Variants in ILDR1 observed in about 807,000 individuals in gnomAD.
The protein encoded by ILDR1 is immunoglobulin-like domain-containing receptor 1.
In ILDR1, 56 loss-of-function variants were observed where a neutral mutation model predicts 62.4. That is an observed-to-expected ratio of 0.90 (90% CI 0.72 to 1.12). ILDR1 has a LOEUF of 1.12. Among genes scored for constraint, ILDR1 ranks in the 50% most tolerant of loss-of-function variants. The pLI, the probability that ILDR1 is intolerant of heterozygous loss-of-function variation, is 0.00. For missense variants in ILDR1, 736 were observed against 710.6 expected (o/e 1.04, Z -0.41); for synonymous variants, 284 against 277.8 (o/e 1.02, Z -0.22).
chr3:122,007,258 T>C (rs1250601757), intron 1 of ILDR1, 97 bp from the exon 2 acceptor site: 3 of 1,575,884 alleles, frequency 1.9e-6, no homozygotes, highest in Non-Finnish European at 2.6e-6. Flanking sequence ...CCTGCCATCC[T>C]GCCTGACCTG....
the ILDR1 span, among the ~76,000 whole-genome samples, chr3:122,056,523 C>CG: frequency 3.9e-5 from 6 of 152,156 alleles, no homozygotes; most frequent in South Asian, 4.2e-4. Flanking sequence ...TTGGTAGAGA[C>CG]GGGGTCCACC....
At chr3:122,019,050 C>G (rs954055360) in intron 1 of ILDR1, among the ~76,000 whole-genome samples, 3 of 151,066 alleles carry the variant, frequency 2.0e-5, no homozygotes, top group Admixed American at 6.6e-5. Flanking sequence ...TAACACCACA[C>G]TGTGATGTTA....
chr3:122,027,684 G>A, the ILDR1 span, among the ~76,000 whole-genome samples: 1 of 152,100 alleles, frequency 6.6e-6, no homozygotes, highest in East Asian at 1.9e-4. Flanking sequence ...GTAGTAAATA[G>A]ACAAGACAAT....
chr3:121,988,586 G>T (rs1241505040), intron 7 of ILDR1, among the ~76,000 whole-genome samples, 178 bp from the exon 8 acceptor site: 1 of 152,240 alleles, frequency 6.6e-6, no homozygotes, highest in East Asian at 1.9e-4. Context: ...CTCTCCCCAG[G>T]CTTAGGTTTT....
At chr3:122,028,060 G>A in the ILDR1 span, among the ~76,000 whole-genome samples, 1 of 152,008 alleles carries the variant, frequency 6.6e-6, no homozygotes, top group Non-Finnish European at 1.5e-5. Context: ...GGGCGCGGTG[G>A]CTCACGCCTG....
At chr3:122,044,732 T>C in the ILDR1 span, among the ~76,000 whole-genome samples, 6 of 151,892 alleles carry the variant, frequency 4.0e-5, no homozygotes, top group Non-Finnish European at 8.8e-5. Context: ...TCTCTGATGG[T>C]AGTTTGTATT....
chr3:122,060,733 T>C, the ILDR1 span, among the ~76,000 whole-genome samples: 1 of 152,250 alleles, frequency 6.6e-6, no homozygotes, highest in African/African-American at 2.4e-5. Context: ...AGAAAATAAT[T>C]TTTGCAGTCA....
the ILDR1 span, among the ~76,000 whole-genome samples, chr3:122,028,057 G>A: frequency 2.6e-5 from 4 of 152,146 alleles, no homozygotes; most frequent in South Asian, 4.2e-4. Flanking sequence ...GCCGGGCGCG[G>A]TGGCTCACGC....
rs770715527 is a variant in ILDR1 at position 121,993,191 on chromosome 3, C to T, written c.1558G>A (p.Gly520Ser). 10 of 1,612,992 alleles carry T rather than the reference C, an allele frequency of 6.2e-6. No homozygotes were observed. The highest frequency in any genetic ancestry group is 8.5e-6 in the Non-Finnish European group (10 of 1,179,586). ...CTCCCTTTTTTCCTGCTATTCTTGC[C>T]TGGAGTGATATCAAGTGAGCGGTAG... is the stretch of plus-strand genomic sequence containing the variant. Reference protein sequence around the residue: ...PSYRSLDITPGKNSRKKGSVE... With the variant: ...PSYRSLDITPSKNSRKKGSVE... Residue 520 changes from glycine (G) to serine (S), a missense_variant, in exon 7 of 8, where the codon GGC becomes AGC. By Grantham distance (56) the Gly-to-Ser change is moderately conservative (BLOSUM62 0). Transcript: ENST00000344209.
At chr3:122,041,519 A>G in the ILDR1 span, among the ~76,000 whole-genome samples, 4 of 152,336 alleles carry the variant, frequency 2.6e-5, no homozygotes, top group Admixed American at 6.5e-5. Flanking sequence ...GTAGTCTGTT[A>G]TAGCAGCACA....
Position 122,007,414 on chromosome 3 carries a change from G to A in ILDR1, c.59-253C>T. The A allele has an allele frequency of 2.4e-5, 14 of 589,812 alleles. No homozygotes were observed. The South Asian group carries it at 2.7e-4, about 11-fold the overall frequency. 36.5% of individuals were successfully genotyped at this position (589,812 alleles called of 1,614,324 possible). On this transcript the variant is annotated intron_variant, in intron 1 of 7. Coordinates refer to ENST00000344209, the MANE Select transcript of ILDR1 (RefSeq NM_001199799.2). ...CCCAGGAATTTACAGTGCATTAACA[G>A]TGATGACATATCCAACAACAATATA...
chr3:122,060,238 G>A, the ILDR1 span, among the ~76,000 whole-genome samples: 1 of 152,164 alleles, frequency 6.6e-6, no homozygotes, highest in Non-Finnish European at 1.5e-5. Context: ...GCAGAAAGGC[G>A]AAGTAGGAGA....
rs569078906 is a variant in ILDR1, at chr3:122,007,175, C to G, written c.59-14G>C. On this transcript the variant is annotated splice_polypyrimidine_tract_variant and intron_variant, in intron 1 of 7. Coordinates refer to ENST00000344209, the MANE Select transcript of ILDR1 (RefSeq NM_001199799.2). Reference sequence around the variant, plus strand: ...AGGACAGGCACCCTAAAGCCAAGAGCAGGAGAAAATGCTGAAGGTGACCTA... The same window carrying G: ...AGGACAGGCACCCTAAAGCCAAGAGGAGGAGAAAATGCTGAAGGTGACCTA... The G allele has an allele frequency of 3.7e-6, 6 of 1,613,984 alleles. No homozygotes were observed. The highest frequency in any genetic ancestry group is 5.1e-6 in the Non-Finnish European group (6 of 1,180,024).
chr3:122,031,887 C>T, the ILDR1 span, among the ~76,000 whole-genome samples: 1 of 152,216 alleles, frequency 6.6e-6, no homozygotes, highest in East Asian at 1.9e-4. Context: ...ACACTGGCTA[C>T]TTTCATGCCA....
the ILDR1 span, among the ~76,000 whole-genome samples, chr3:122,052,543 A>G: frequency 6.6e-6 from 1 of 152,216 alleles, no homozygotes; most frequent in Non-Finnish European, 1.5e-5. Context: ...TCCCTCAGGC[A>G]GCCCCCAGGA....
chr3:122,040,953 A>G, the ILDR1 span, among the ~76,000 whole-genome samples: 15 of 152,356 alleles, frequency 9.8e-5, no homozygotes, highest in East Asian at 2.9e-3. Flanking sequence ...GAAAGACACC[A>G]TCAAGAGTGT....
intron 5 of ILDR1, 81 bp from the exon 6 acceptor site, chr3:121,994,394 G>A: frequency 6.9e-7 from 1 of 1,443,522 alleles, no homozygotes; most frequent in Non-Finnish European, 9.1e-7. Context: ...CCACCTAGGG[G>A]CCTTGCAAGA....
intron 1 of ILDR1, among the ~76,000 whole-genome samples, chr3:122,020,638 C>G (rs2071840740): frequency 6.6e-6 from 1 of 152,192 alleles, no homozygotes; most frequent in South Asian, 2.1e-4. Flanking sequence ...AAATCCCCAG[C>G]TGCTGTGGAG....
At position 121,993,218 on chromosome 3, in the gene ILDR1, T is replaced by C. The variant is rs756634716; in HGVS notation, c.1531A>G (p.Ser511Gly). 4.3e-6 allele frequency: 7 copies of C among 1,614,026 alleles called. No homozygotes were observed. Among genetic ancestry groups the C allele is most frequent in the Non-Finnish European group, 5.9e-6 (7 of 1,179,960 alleles). ...GGAGTGATATCAAGTGAGCGGTAGC[T>C]AGGCGGCTTCTCCTCGGGCCAGTGT... Reference protein sequence around the residue: ...SPHWPEEKPPSYRSLDITPGK... With the variant: ...SPHWPEEKPPGYRSLDITPGK... The change falls in exon 7 of 8, where the codon AGC (serine) becomes GGC (glycine). Residue 511 changes from serine to glycine, a missense_variant. Transcript: ENST00000344209.
Sources: gnomAD v4.1 joint callset for allele counts (sites outside exome capture counted in the v4.1 genomes callset) on GRCh38, gnomAD v4.1.1 for gene constraint, MANE v1.5 for transcripts, NCBI Gene and HGNC (gene_info 2026-07-23, HGNC 2026-07-21) for gene names.